The following TAFA2 variants were observed in gnomAD, a reference collection of about 807,000 sequenced individuals.
TAFA2 encodes the protein chemokine-like protein TAFA-2.
In TAFA2, 7 loss-of-function variants were observed where a neutral mutation model predicts 18.8. That is an observed-to-expected ratio of 0.37 (90% CI 0.21 to 0.70). The LOEUF is 0.70. Ranked by LOEUF, TAFA2 falls within the 30% of genes least tolerant of loss-of-function variation. TAFA2 has a pLI of 0.53. For missense variants in TAFA2, 122 were observed against 158.1 expected, an observed-to-expected ratio of 0.77 and a Z score of 1.23; for synonymous variants, 60 against 54.2, an observed-to-expected ratio of 1.11 and a Z score of -0.47.
intron 1 of TAFA2, among the ~76,000 whole-genome samples, chr12:62,218,517 A>G (rs369257692): frequency 1.4e-4 from 21 of 152,324 alleles, no homozygotes; most frequent in South Asian, 6.2e-4. Context: ...AAAGCTAAAT[A>G]TCCTAACCCA....
chr12:62,035,717 G>A (rs1447883960), intron 1 of TAFA2, among the ~76,000 whole-genome samples: 1 of 148,914 alleles, frequency 6.7e-6, no homozygotes, highest in Non-Finnish European at 1.5e-5. Context: ...TTGACGCTAG[G>A]GGTCAATGAT....
chr12:61,928,650 C>G (rs1217291606), intron 1 of TAFA2, among the ~76,000 whole-genome samples: 2 of 152,156 alleles, frequency 1.3e-5, no homozygotes, highest in Non-Finnish European at 2.9e-5. Context: ...CTTGACCCAG[C>G]AATCCCATTA....
chr12:62,050,422 AT>A, intron 1 of TAFA2, among the ~76,000 whole-genome samples: 1 of 151,996 alleles, frequency 6.6e-6, no homozygotes, highest in Middle Eastern at 3.2e-3. Context: ...ATACAAAAAA[AT>A]TAGCCGGGCG....
At chr12:61,715,618 C>T (rs1419851059) in intron 4 of TAFA2, among the ~76,000 whole-genome samples, 1 of 151,912 alleles carries the variant, frequency 6.6e-6, no homozygotes, top group Non-Finnish European at 1.5e-5. Flanking sequence ...TCCCAAAGTG[C>T]TAGGTTTACA....
At chr12:62,049,538 T>C (rs888511166) in intron 1 of TAFA2, among the ~76,000 whole-genome samples, 2 of 152,124 alleles carry the variant, frequency 1.3e-5, no homozygotes, top group African/African-American at 4.8e-5. Context: ...ACTAAAACAT[T>C]TTCAGTTGAA....
intron 1 of TAFA2, among the ~76,000 whole-genome samples, chr12:62,066,663 T>C (rs189938049): frequency 6.6e-6 from 1 of 152,248 alleles, no homozygotes; most frequent in East Asian, 1.9e-4. Flanking sequence ...TTTTTATGGC[T>C]GAATAGTACT....
chr12:61,715,822 A>G (rs1345103826), intron 4 of TAFA2, among the ~76,000 whole-genome samples: 3 of 151,994 alleles, frequency 2.0e-5, no homozygotes, highest in Non-Finnish European at 4.4e-5. Flanking sequence ...AGGAGGCTAC[A>G]GGGAGGATTG....
intron 2 of TAFA2, among the ~76,000 whole-genome samples, chr12:61,788,682 T>G (rs940302156): frequency 1.3e-5 from 2 of 149,910 alleles, no homozygotes; most frequent in African/African-American, 4.9e-5. Context: ...AAATGAAGAG[T>G]AAAATAAATG....
chr12:62,142,948 GA>G (rs1215920935), intron 1 of TAFA2, among the ~76,000 whole-genome samples: 1 of 152,016 alleles, frequency 6.6e-6, no homozygotes, highest in African/African-American at 2.4e-5. Flanking sequence ...TTTTCCAGAG[GA>G]AAAAAGTGAA....
chr12:61,721,083 C>G (rs1488627065), intron 4 of TAFA2, among the ~76,000 whole-genome samples: 1 of 152,062 alleles, frequency 6.6e-6, no homozygotes, highest in Non-Finnish European at 1.5e-5. Context: ...GTTTGTATCT[C>G]TCTTAGAAGA....
chr12:62,122,364 T>C (rs1014611954), intron 1 of TAFA2, among the ~76,000 whole-genome samples: 1 of 152,198 alleles, frequency 6.6e-6, no homozygotes, highest in African/African-American at 2.4e-5. Flanking sequence ...AAAAGCCTAA[T>C]GGAATATTTC....
chr12:61,712,047 A>G (rs1394540390), intron 4 of TAFA2, among the ~76,000 whole-genome samples: 3 of 152,096 alleles, frequency 2.0e-5, no homozygotes, highest in East Asian at 1.9e-4. Context: ...AGGGGAAGCT[A>G]TATGTGTGTG....
At chr12:62,096,744 G>A (rs1458048732) in intron 1 of TAFA2, among the ~76,000 whole-genome samples, 1 of 152,092 alleles carries the variant, frequency 6.6e-6, no homozygotes, top group Non-Finnish European at 1.5e-5. Context: ...TTGAAACATA[G>A]GCACAAATGG....
chr12:61,787,054 A>T (rs2120912019), intron 2 of TAFA2, among the ~76,000 whole-genome samples: 1 of 151,758 alleles, frequency 6.6e-6, no homozygotes, highest in South Asian at 2.1e-4. Context: ...AAATACTCCC[A>T]TTAAAAGAGA....
At chr12:61,756,747 T>A (rs1393473151) in intron 2 of TAFA2, among the ~76,000 whole-genome samples, 1 of 152,090 alleles carries the variant, frequency 6.6e-6, no homozygotes, top group East Asian at 1.9e-4. Flanking sequence ...AGGAAGGGAA[T>A]GCATATTTTT....
In TAFA2 at chr12:61,752,699, C is replaced by T. The variant is rs181986978; in HGVS notation, c.384+923G>A. Among the ~76,000 whole-genome samples, 17 of 152,114 alleles carry T rather than the reference C, an allele frequency of 1.1e-4. 1 individual carries two copies. In the East Asian group the frequency reaches 2.5e-3, roughly 23 times the overall value. The stretch of plus-strand genomic sequence containing the variant: ...ATATATTACTTGGCAGACTAAATTA[C>T]ATATCTAGATGAGATCATAAAATAA... On this transcript the variant is annotated intron_variant, in intron 4 of 4. Coordinates refer to ENST00000416284, the MANE Select transcript of TAFA2 (RefSeq NM_178539.5).
At chr12:61,882,932 T>TA (rs987004719) in intron 1 of TAFA2, among the ~76,000 whole-genome samples, 8 of 152,156 alleles carry the variant, frequency 5.3e-5, no homozygotes, top group Admixed American at 3.3e-4. Context: ...TTGCAAGGAT[T>TA]AAAAAAGTGT....
rs556531542 is a variant in TAFA2, at chr12:61,774,626, CA to C, written c.107-19603del. Among the ~76,000 whole-genome samples the C allele has an allele frequency of 6.1e-3, 927 of 151,760 alleles. 11 individuals carry two copies. The highest frequency in any genetic ancestry group is 0.021 in the African/African-American group (865 of 41,446). On this transcript the variant is annotated intron_variant, in intron 2 of 4. Coordinates refer to ENST00000416284, the MANE Select transcript of TAFA2 (RefSeq NM_178539.5). ...AAGTGGAAGCTAAGTTATGAGGACA[CA>C]AGGGCATAAGAATGATAAAATGGAC...
chr12:61,986,654 T>TAA lies in TAFA2; in HGVS notation c.-1-119230_-1-119229dup, dbSNP rs34219909. 1.8e-3 allele frequency among the ~76,000 whole-genome samples: 265 copies of TAA among 145,476 alleles called. 1 individual carries two copies. Among genetic ancestry groups the TAA allele is most frequent in the Middle Eastern group, 0.011 (3 of 282 alleles). ...TCATTTACTGGCCATGAGACTTAGTTAAAAAAAAAAAAAAATCACTTAAAC... is the reference window on the plus strand; with the variant it reads ...TCATTTACTGGCCATGAGACTTAGTTAAAAAAAAAAAAAAAAATCACTTAAAC... On this transcript the variant is annotated intron_variant, in intron 1 of 4. Coordinates refer to ENST00000416284, the MANE Select transcript of TAFA2 (RefSeq NM_178539.5).
Sources: gnomAD v4.1 joint callset for allele counts (sites outside exome capture counted in the v4.1 genomes callset) on GRCh38, gnomAD v4.1.1 for gene constraint, MANE v1.5 for transcripts, NCBI Gene and HGNC (gene_info 2026-07-23, HGNC 2026-07-21) for gene names.